RBM20: variants seen among roughly 807,000 people sequenced by gnomAD.
RBM20 encodes RNA-binding protein 20.
A neutral mutation model predicts 110.1 loss-of-function variants in RBM20; 51 were observed. The ratio of observed to expected loss-of-function variants is 0.46; its 90% CI spans 0.37 to 0.59. The LOEUF is 0.59. RBM20 is among the 20% of genes least tolerant of loss of function. RBM20 has a pLI of 0.00. For synonymous variants in RBM20, 589 were observed against 618.2 expected, an observed-to-expected ratio of 0.95 and a Z score of 0.70; for missense variants, 1,512 against 1,574.9, an observed-to-expected ratio of 0.96 and a Z score of 0.68.
rs139181144 is a variant in RBM20, at chr10:110,755,444, T to C, written c.192-25357T>C. Among the ~76,000 whole-genome samples the C allele has an allele frequency of 7.2e-5, 11 of 152,344 alleles. No homozygotes were observed. The East Asian group carries it at 2.1e-3, about 29-fold the overall frequency. ...TGTTTTTATGGTTACTTACTCAGAGTTGTTTTTAGCTGAGGGCTCATCCAA... is the reference window on the plus strand; with the variant it reads ...TGTTTTTATGGTTACTTACTCAGAGCTGTTTTTAGCTGAGGGCTCATCCAA... On this transcript the variant is annotated intron_variant, in intron 1 of 13. Transcript: ENST00000369519.
In RBM20 at chr10:110,821,137, G is replaced by A. The variant is rs1030167429; in HGVS notation, c.2656-138G>A. ...GAGTTGGTGCCGTGGGACTTGAGTG[G>A]TTCACAGTAATTGTACCAGGTAGAG... On this transcript the variant is annotated intron_variant, in intron 10 of 13. Coordinates refer to ENST00000369519, the MANE Select transcript of RBM20 (RefSeq NM_001134363.3). The A allele has an allele frequency of 8.3e-6, 6 of 721,736 alleles. No individual in the cohort carries two copies. The African/African-American group carries it at 1.1e-4, about 13-fold the overall frequency. The allele number at this position is 721,736 out of a possible 1,614,324, so 44.7% of individuals were successfully genotyped here.
At position 110,781,084 on chromosome 10, in the gene RBM20, A is replaced by G. The variant is rs1474684710; in HGVS notation, c.475A>G (p.Ile159Val). The change falls in exon 2 of 14, where the codon ATA (isoleucine) becomes GTA (valine). Residue 159 changes from isoleucine (I) to valine (V), a missense_variant. Physicochemically the swap from Ile to Val is conservative, Grantham distance 29. Around this residue, in one of 3 missense-constraint regions of RBM20, gnomAD observed 1,149 missense variants for 1,169.4 expected, o/e 0.98. Transcript: ENST00000369519. ...TGGGGTTCCCCAACATGCTGCAGCCATACCCAGTACCCGGTTTCCCTCTAA... is the reference window on the plus strand; with the variant it reads ...TGGGGTTCCCCAACATGCTGCAGCCGTACCCAGTACCCGGTTTCCCTCTAA... ...HAGVPQHAAA[I>V]PSTRFPSNAI... 1.9e-6 allele frequency: 3 copies of G among 1,551,924 alleles called. No homozygotes were observed. The highest frequency in any genetic ancestry group is 2.4e-5 in the East Asian group (1 of 40,920).
intron 1 of RBM20, among the ~76,000 whole-genome samples, chr10:110,694,844 A>G (rs1862637929): frequency 6.6e-6 from 1 of 152,124 alleles, no homozygotes; most frequent in Non-Finnish European, 1.5e-5. Context: ...ACAATTTTGA[A>G]TTGTTGAATT....
At position 110,797,527 on chromosome 10, in the gene RBM20, C is replaced by T; in HGVS notation, c.1547C>T (p.Ala516Val). ...CATTAGTTTGCACAGCGGAAAGGGG[C>T]TGGCCGTGTGGTGCACATCTGCAAT... ...VGTTFAQRKGAGRVVHICNLP... is the reference protein window; with the variant it reads ...VGTTFAQRKGVGRVVHICNLP... The change falls in exon 6 of 14, where the codon GCT (alanine) becomes GTT (valine). Residue 516 changes from alanine to valine, a missense_variant. By Grantham distance (64) the Ala-to-Val change is moderately conservative (BLOSUM62 0). This residue lies in a region of RBM20 where 1,149 missense variants were observed against 1,169.4 expected (regional missense o/e 0.98). Transcript: ENST00000369519. 6.4e-7 allele frequency: 1 copy of T among 1,551,358 alleles called. No homozygotes were observed. The highest frequency in any genetic ancestry group is 1.2e-5 in the South Asian group (1 of 84,026).
chr10:110,725,373 C>T (rs1164882369), intron 1 of RBM20, among the ~76,000 whole-genome samples: 8 of 152,264 alleles, frequency 5.3e-5, no homozygotes, highest in Admixed American at 3.9e-4. Context: ...AGGTCAATAA[C>T]GCCTGTTTCG....
At chr10:110,672,570 T>C (rs1346022854) in intron 1 of RBM20, among the ~76,000 whole-genome samples, 3 of 152,242 alleles carry the variant, frequency 2.0e-5, no homozygotes. Context: ...TCGCGGAAGC[T>C]GCGCGCTCGC....
intron 1 of RBM20, among the ~76,000 whole-genome samples, chr10:110,715,294 T>A (rs1359503121): frequency 6.6e-6 from 1 of 152,032 alleles, no homozygotes; most frequent in Non-Finnish European, 1.5e-5. Flanking sequence ...AACCCATAAT[T>A]TGTGAATATT....
At chr10:110,753,574 A>G (rs1843886442) in intron 1 of RBM20, among the ~76,000 whole-genome samples, 1 of 152,070 alleles carries the variant, frequency 6.6e-6, no homozygotes, top group Non-Finnish European at 1.5e-5. Context: ...CGTGCCTGAA[A>G]ACTCCTGGAT....
In RBM20 at chr10:110,831,125, C is replaced by A. The variant is rs781463840; in HGVS notation, c.3516C>A (p.Ser1172Arg). 1 of 1,551,540 alleles carries A rather than the reference C, an allele frequency of 6.4e-7. No individual in the cohort carries two copies. The highest frequency in any genetic ancestry group is 1.2e-5 in the South Asian group (1 of 84,056). ...AGCTGTGTGGGCTGTTCTACACGAG[C>A]GAGGAGACAGCAAAGATGAGCCACT... ...YCKLCGLFYT[S>R]EETAKMSHCR... is the part of the protein sequence containing the mutation. The change falls in exon 13 of 14, where the codon AGC (serine) becomes AGA (arginine). Residue 1172 changes from serine to arginine, a missense_variant. Around this residue, in one of 3 missense-constraint regions of RBM20, gnomAD observed 358 missense variants for 384.2 expected, o/e 0.93. Transcript: ENST00000369519.
Position 110,781,042 on chromosome 10 carries a change from G to C in RBM20, c.433G>C (p.Gly145Arg). Residue 145 changes from glycine (G) to arginine (R), a missense_variant, in exon 2 of 14, where the codon GGC (glycine) becomes CGC (arginine). Coordinates refer to ENST00000369519, the MANE Select transcript of RBM20 (RefSeq NM_001134363.3). Reference sequence around the variant, plus strand: ...ACTGAGGCATCCGTCTGTGATCACTGGCCCCCACGGCCATGCTGGGGTTCC... The same window carrying C: ...ACTGAGGCATCCGTCTGTGATCACTCGCCCCCACGGCCATGCTGGGGTTCC... ...NQLRHPSVIT[G>R]PHGHAGVPQH... 6.4e-7 allele frequency: 1 copy of C among 1,551,856 alleles called. No homozygotes were observed. The highest frequency in any genetic ancestry group is 1.2e-5 in the South Asian group (1 of 84,058).
chr10:110,699,196 T>C (rs1590624221), intron 1 of RBM20, among the ~76,000 whole-genome samples: 1 of 151,920 alleles, frequency 6.6e-6, no homozygotes, highest in East Asian at 1.9e-4. Flanking sequence ...AGGCAGTGGC[T>C]TCTTACTCAA....
chr10:110,762,653 T>C (rs902538398), intron 1 of RBM20, among the ~76,000 whole-genome samples: 2 of 152,156 alleles, frequency 1.3e-5, no homozygotes, highest in African/African-American at 4.8e-5. Flanking sequence ...CCTACCAGAA[T>C]CCTGAAGGTA....
At chr10:110,805,435 G>T (rs1486041337) in intron 7 of RBM20, among the ~76,000 whole-genome samples, 1 of 152,200 alleles carries the variant, frequency 6.6e-6, no homozygotes, top group African/African-American at 2.4e-5. Context: ...GAAGGTTTCA[G>T]TGTCTTCCCA....
At chr10:110,676,586 C>T (rs1862343270) in intron 1 of RBM20, among the ~76,000 whole-genome samples, 1 of 152,212 alleles carries the variant, frequency 6.6e-6, no homozygotes, top group African/African-American at 2.4e-5. Context: ...AGTTTTTCTT[C>T]TGTATGACAT....
intron 1 of RBM20, among the ~76,000 whole-genome samples, chr10:110,747,549 G>T (rs10885037): frequency 0.34 from 52,282 of 152,022 alleles, 9,951 homozygotes; most frequent in East Asian, 0.51. Flanking sequence ...TCACTTTCTT[G>T]TTTGTTGTCT....
In RBM20 at chr10:110,820,156, G is replaced by C; in HGVS notation, c.2635G>C (p.Glu879Gln). The C allele has an allele frequency of 6.4e-7, 1 of 1,551,124 alleles. No homozygotes were observed. The highest frequency in any genetic ancestry group is 8.7e-7 in the Non-Finnish European group (1 of 1,146,500). ...QEKEAEFSDP[E>Q]NTRTKKEQDW... ...GAAAGAAGCAGAGTTCTCTGATCCG[G>C]AAAACACAAGGACAAAGAAGGTAAA... Residue 879 changes from glutamate to glutamine, a missense_variant, in exon 10 of 14, where the codon GAA (glutamate) becomes CAA (glutamine). By Grantham distance (29) the Glu-to-Gln change is conservative. This residue lies in a region of RBM20 where 1,149 missense variants were observed against 1,169.4 expected (regional missense o/e 0.98). Coordinates refer to ENST00000369519, the MANE Select transcript of RBM20 (RefSeq NM_001134363.3).
intron 1 of RBM20, among the ~76,000 whole-genome samples, chr10:110,655,025 G>A (rs12774033): frequency 0.11 from 16,260 of 152,130 alleles, 1,003 homozygotes; most frequent in East Asian, 0.16. Context: ...CTAGGACCCA[G>A]GAAAGCTAAG....
chr10:110,686,238 G>T (rs1862503342), intron 1 of RBM20, among the ~76,000 whole-genome samples: 1 of 152,114 alleles, frequency 6.6e-6, no homozygotes, highest in African/African-American at 2.4e-5. Context: ...CTCACTCCCA[G>T]ATCTTACTTT....
At position 110,784,412 on chromosome 10, in the gene RBM20, A is replaced by G. The variant is rs1844394763; in HGVS notation, c.1409A>G (p.Tyr470Cys). 2 of 1,551,294 alleles carry G rather than the reference A, an allele frequency of 1.3e-6. No homozygotes were observed. Among genetic ancestry groups the G allele is most frequent in the Non-Finnish European group, 8.7e-7 (1 of 1,146,752 alleles). The change falls in exon 4 of 14, where the codon TAT (tyrosine) becomes TGT (cysteine). Residue 470 changes from tyrosine to cysteine, a missense_variant. By Grantham distance (194) the Tyr-to-Cys change is radical (BLOSUM62 -2). Transcript: ENST00000369519. ...GCTTCTCCCAACAGCACAGCTGTTT[A>G]TAACCCTGCTGGGAATGAAGGTGAG... Reference protein sequence around the residue: ...LCASPNSTAVYNPAGNEDYAS... With the variant: ...LCASPNSTAVCNPAGNEDYAS...
Sources: allele counts gnomAD v4.1 joint callset (sites outside exome capture counted in the v4.1 genomes callset), GRCh38; gene constraint gnomAD v4.1.1; regional missense constraint gnomAD v4.1.1; transcripts MANE v1.5; gene names NCBI Gene and HGNC (gene_info 2026-07-23, HGNC 2026-07-21).